The following MACROD2 variants were observed in gnomAD, a reference collection of about 807,000 sequenced individuals.
The protein encoded by MACROD2 is mono-ADP ribosylhydrolase 2.
A neutral mutation model predicts 70.4 loss-of-function variants in MACROD2; 36 were observed. The ratio of observed to expected loss-of-function variants is 0.51; its 90% CI spans 0.39 to 0.68. The LOEUF (loss-of-function observed/expected upper bound fraction) is 0.68, where lower values mean the gene tolerates loss of function less well. MACROD2 is among the 30% of genes least tolerant of loss of function. The pLI is 0.00. For synonymous variants in MACROD2, 172 were observed against 178.8 expected (o/e 0.96, Z 0.30); for missense variants, 496 against 538.4 (o/e 0.92, Z 0.78).
intron 5 of MACROD2, among the ~76,000 whole-genome samples, chr20:15,088,713 CAT>C (rs200778852): frequency 0.016 from 2,360 of 151,502 alleles, 61 homozygotes; most frequent in African/African-American, 0.054. Context: ...TTTCACATGT[CAT>C]AAATATATAA....
intron 8 of MACROD2, among the ~76,000 whole-genome samples, chr20:15,680,657 T>C (rs1392377356): frequency 6.6e-6 from 1 of 152,052 alleles, no homozygotes; most frequent in Non-Finnish European, 1.5e-5. Context: ...GGCCTCCAGT[T>C]CCCCCAGAAA....
At chr20:14,237,642 T>C (rs1324700895) in intron 3 of MACROD2, among the ~76,000 whole-genome samples, 1 of 151,848 alleles carries the variant, frequency 6.6e-6, no homozygotes, top group Non-Finnish European at 1.5e-5. Flanking sequence ...GCTGCACCCA[T>C]TAACTTGTCA....
At chr20:15,710,893 C>G (rs2050616562) in intron 8 of MACROD2, among the ~76,000 whole-genome samples, 1 of 152,078 alleles carries the variant, frequency 6.6e-6, no homozygotes, top group South Asian at 2.1e-4. Context: ...TTTTGGGGCT[C>G]CAGCATTTTG....
chr20:15,852,409 T>A (rs1037152261), intron 8 of MACROD2, among the ~76,000 whole-genome samples: 1 of 152,172 alleles, frequency 6.6e-6, no homozygotes, highest in African/African-American at 2.4e-5. Context: ...ATAGAAGCAA[T>A]TTTAAAATGC....
intron 15 of MACROD2, among the ~76,000 whole-genome samples, chr20:16,033,233 T>TA (rs1480084458): frequency 1.3e-5 from 2 of 152,124 alleles, no homozygotes; most frequent in Non-Finnish European, 2.9e-5. Context: ...TTATTTTTGA[T>TA]ACTTATTTGT....
intron 6 of MACROD2, among the ~76,000 whole-genome samples, chr20:15,414,701 C>T (rs147839030): frequency 1.4e-4 from 22 of 152,188 alleles, no homozygotes; most frequent in African/African-American, 5.1e-4. Flanking sequence ...TTCAGGTATC[C>T]GTATACGTGA....
chr20:14,911,511 G>A (rs2122595332), intron 5 of MACROD2, among the ~76,000 whole-genome samples: 1 of 152,112 alleles, frequency 6.6e-6, no homozygotes, highest in South Asian at 2.1e-4. Flanking sequence ...CCATGTAGCT[G>A]GAACTAGAGT....
intron 3 of MACROD2, among the ~76,000 whole-genome samples, chr20:14,106,954 T>A (rs368214971): frequency 7.2e-5 from 11 of 152,248 alleles, no homozygotes; most frequent in African/African-American, 2.4e-4. Flanking sequence ...CTGTGAAGAC[T>A]ACAATAAATA....
At chr20:15,006,221 C>T (rs921251536) in intron 5 of MACROD2, among the ~76,000 whole-genome samples, 1 of 145,626 alleles carries the variant, frequency 6.9e-6, no homozygotes, top group Non-Finnish European at 1.5e-5. Context: ...GAGGGAAATC[C>T]TGGAGGATAT....
intron 8 of MACROD2, among the ~76,000 whole-genome samples, chr20:15,553,580 A>C (rs1039969826): frequency 3.3e-5 from 5 of 152,000 alleles, no homozygotes; most frequent in African/African-American, 1.2e-4. Context: ...CACCATGCCC[A>C]GCTAATTTTT....
At chr20:14,448,903 T>C (rs969374483) in intron 3 of MACROD2, among the ~76,000 whole-genome samples, 1 of 152,128 alleles carries the variant, frequency 6.6e-6, no homozygotes, top group African/African-American at 2.4e-5. Flanking sequence ...TAGAGAGTAA[T>C]GGAGTATTGT....
At chr20:14,351,384 A>T (rs1267079303) in intron 3 of MACROD2, among the ~76,000 whole-genome samples, 8 of 151,976 alleles carry the variant, frequency 5.3e-5, no homozygotes, top group African/African-American at 1.9e-4. Context: ...ATGAACATGG[A>T]ATATCTTTCC....
intron 3 of MACROD2, among the ~76,000 whole-genome samples, chr20:14,288,686 T>C (rs1249435320): frequency 1.3e-5 from 2 of 152,196 alleles, no homozygotes; most frequent in Non-Finnish European, 2.9e-5. Flanking sequence ...CAAGAGCCCT[T>C]CATTTCCATT....
intron 6 of MACROD2, among the ~76,000 whole-genome samples, chr20:15,299,622 T>C (rs1156256644): frequency 6.6e-6 from 1 of 152,254 alleles, no homozygotes; most frequent in Non-Finnish European, 1.5e-5. Context: ...TTTATGCTTC[T>C]GTGACCATCT....
chr20:15,858,902 A>G (rs1272217039), intron 8 of MACROD2, among the ~76,000 whole-genome samples: 1 of 152,182 alleles, frequency 6.6e-6, no homozygotes, highest in Non-Finnish European at 1.5e-5. Context: ...TGACCCTTGA[A>G]CAATGTGAGG....
intron 7 of MACROD2, 82 bp from the exon 8 acceptor site, chr20:15,499,692 A>C: frequency 8.0e-7 from 1 of 1,242,298 alleles, no homozygotes; most frequent in Non-Finnish European, 1.2e-6. Flanking sequence ...TAAATGAGAA[A>C]ACTCCAGTAT....
At chr20:13,998,263 TTTGA>T (rs1235601960) in intron 1 of MACROD2, among the ~76,000 whole-genome samples, 2 of 152,094 alleles carry the variant, frequency 1.3e-5, no homozygotes, top group Non-Finnish European at 2.9e-5. Context: ...AATAAACATG[TTTGA>T]TCTAGTATTT....
intron 4 of MACROD2, among the ~76,000 whole-genome samples, chr20:14,550,880 G>GT (rs11469816): frequency 6.8e-6 from 1 of 147,742 alleles, no homozygotes; most frequent in African/African-American, 2.5e-5. Context: ...ATCAGTAGCA[G>GT]TTTTTTTTTT....
intron 8 of MACROD2, among the ~76,000 whole-genome samples, chr20:15,793,929 T>C (rs969923946): frequency 4.1e-5 from 6 of 147,436 alleles, no homozygotes; most frequent in African/African-American, 1.5e-4. Flanking sequence ...GTGGCAAATA[T>C]AAAAGATAAT....
Sources: gnomAD v4.1 joint callset for allele counts (sites outside exome capture counted in the v4.1 genomes callset) on GRCh38, gnomAD v4.1.1 for gene constraint, MANE v1.5 for transcripts, NCBI Gene and HGNC (gene_info 2026-07-23, HGNC 2026-07-21) for gene names.